GATB: variants seen among roughly 807,000 people sequenced by gnomAD.
GATB encodes the protein glutamyl-tRNA(Gln) amidotransferase subunit B, mitochondrial.
In GATB, 39 loss-of-function variants were observed where a neutral mutation model predicts 62.3. The ratio of observed to expected loss-of-function variants is 0.63; its 90% CI spans 0.48 to 0.82. The LOEUF (loss-of-function observed/expected upper bound fraction) is 0.82, where lower values mean the gene tolerates loss of function less well. Among genes scored for constraint, GATB ranks in the 40% least tolerant of loss-of-function variants. GATB has a pLI of 0.00. For missense variants in GATB, 670 were observed against 684.0 expected, an observed-to-expected ratio of 0.98 and a Z score of 0.23; for synonymous variants, 276 against 258.9, an observed-to-expected ratio of 1.07 and a Z score of -0.63.
intron 10 of GATB, among the ~76,000 whole-genome samples, chr4:151,681,814 C>A (rs1436504830): frequency 6.6e-6 from 1 of 152,202 alleles, no homozygotes; most frequent in African/African-American, 2.4e-5. Context: ...TCACTGGTGG[C>A]ACCTTCTTGC....
rs1477661103 is a variant in GATB at position 151,705,174 on chromosome 4, T to A, written c.962+11A>T. The stretch of plus-strand genomic sequence containing the variant: ...CGGCTGTGGTCAGGACGCTCAGCAA[T>A]GCGAACTCACCCCAGCTTGTGATGA... On this transcript the variant is annotated intron_variant, in intron 7 of 12. Coordinates refer to ENST00000263985, the MANE Select transcript of GATB (RefSeq NM_004564.3). The A allele has an allele frequency of 6.2e-7, 1 of 1,603,558 alleles. No homozygotes were observed. The highest frequency in any genetic ancestry group is 8.5e-7 in the Non-Finnish European group (1 of 1,170,610).
chr4:151,679,435 G>C (rs1024944397), intron 11 of GATB, among the ~76,000 whole-genome samples: 1 of 152,182 alleles, frequency 6.6e-6, no homozygotes, highest in Non-Finnish European at 1.5e-5. Flanking sequence ...CCCTGGGACT[G>C]GCTGGGAGGC....
chr4:151,700,333 A>T (rs947273575), intron 9 of GATB, among the ~76,000 whole-genome samples: 3 of 152,220 alleles, frequency 2.0e-5, no homozygotes, highest in African/African-American at 4.8e-5. Flanking sequence ...GGTAAGAAGA[A>T]GATCAAACAG....
At chr4:151,705,100 A>G (rs1738688182) in intron 7 of GATB, 85 bp downstream of exon 7, 1 of 872,022 alleles carries the variant, frequency 1.1e-6, no homozygotes, top group Non-Finnish European at 1.9e-6. Flanking sequence ...GCCTCCTTCA[A>G]GGTCACATGG....
chr4:151,713,916 T>C lies in GATB; in HGVS notation c.763+2093A>G, dbSNP rs1178435515. On this transcript the variant is annotated intron_variant, in intron 5 of 12. Transcript: ENST00000263985. ...CTCTCTAAGCCTCAGTTTCCTCACC[T>C]GCAACAGGCAAACACTACCACCTAC... Among the ~76,000 whole-genome samples the C allele has an allele frequency of 2.0e-5, 3 of 152,212 alleles. No individual in the cohort carries two copies. The East Asian group carries it at 5.8e-4, about 29-fold the overall frequency.
chr4:151,726,257 G>C (rs1441973658), intron 2 of GATB, among the ~76,000 whole-genome samples: 2 of 152,126 alleles, frequency 1.3e-5, no homozygotes, highest in Non-Finnish European at 2.9e-5. Flanking sequence ...CATATTCAAA[G>C]CAAAAGTTAC....
intron 2 of GATB, chr4:151,722,265 A>G: frequency 1.4e-6 from 1 of 700,092 alleles, no homozygotes; most frequent in African/African-American, 1.7e-5. Context: ...CTTTAGGGGT[A>G]CATAGATAAA....
At chr4:151,749,972 C>T (rs2126997846) in intron 2 of GATB, among the ~76,000 whole-genome samples, 1 of 152,222 alleles carries the variant, frequency 6.6e-6, no homozygotes, top group South Asian at 2.1e-4. Context: ...AGCTCTGCCT[C>T]CCGGGTTCAC....
At chr4:151,689,549 C>A (rs889572113) in intron 9 of GATB, among the ~76,000 whole-genome samples, 1 of 152,192 alleles carries the variant, frequency 6.6e-6, no homozygotes, top group Non-Finnish European at 1.5e-5. Flanking sequence ...GCTGTGCCCT[C>A]CCTGTTCACG....
intron 9 of GATB, among the ~76,000 whole-genome samples, chr4:151,693,340 G>T (rs1359672656): frequency 6.6e-6 from 1 of 152,174 alleles, no homozygotes; most frequent in African/African-American, 2.4e-5. Context: ...GGGTTCACGG[G>T]AATCGGTGCC....
intron 6 of GATB, among the ~76,000 whole-genome samples, chr4:151,706,287 G>A (rs565690828): frequency 7.2e-5 from 11 of 152,316 alleles, no homozygotes; most frequent in Admixed American, 6.5e-4. Flanking sequence ...CCCTCAGACT[G>A]GTCCTCCAAA....
intron 5 of GATB, among the ~76,000 whole-genome samples, chr4:151,711,266 G>C (rs1738813288): frequency 6.6e-6 from 1 of 152,176 alleles, no homozygotes; most frequent in Non-Finnish European, 1.5e-5. Context: ...AGAGCAGCCA[G>C]AGCGGTTTTC....
intron 9 of GATB, among the ~76,000 whole-genome samples, chr4:151,700,175 A>G (rs1392946814): frequency 6.6e-6 from 1 of 152,250 alleles, no homozygotes; most frequent in Admixed American, 6.5e-5. Flanking sequence ...TGACTGACTC[A>G]GTCATAGTCA....
intron 9 of GATB, among the ~76,000 whole-genome samples, chr4:151,697,985 A>ATATATGTG (rs1738521832): frequency 8.0e-5 from 11 of 138,286 alleles, no homozygotes; most frequent in African/African-American, 2.6e-4. Context: ...ATATATATAT[A>ATATATGTG]TATATATATG....
chr4:151,748,697 A>G (rs895832444), intron 2 of GATB, among the ~76,000 whole-genome samples: 1 of 152,266 alleles, frequency 6.6e-6, no homozygotes, highest in Admixed American at 6.5e-5. Context: ...CTGTACAGCA[A>G]AAGAAACTAC....
intron 2 of GATB, among the ~76,000 whole-genome samples, chr4:151,729,091 T>A (rs926140711): frequency 2.0e-5 from 3 of 152,134 alleles, no homozygotes; most frequent in Non-Finnish European, 4.4e-5. Flanking sequence ...ACACATCCAA[T>A]AGGAATGCAT....
rs1328751894 is a variant in GATB at position 151,735,246 on chromosome 4, A to C, written c.328-15708T>G. 1.6e-4 allele frequency among the ~76,000 whole-genome samples: 24 copies of C among 151,868 alleles called. 1 individual carries two copies. Among genetic ancestry groups the C allele is most frequent in the Non-Finnish European group, 4.4e-5 (3 of 67,984 alleles). On this transcript the variant is annotated intron_variant, in intron 2 of 12. Coordinates refer to ENST00000263985, the MANE Select transcript of GATB (RefSeq NM_004564.3). ...AAACAAATCAGTAAGAAAAAAAAAA[A>C]AAAACAAACAATCCCATCAGAAAGT... is the stretch of plus-strand genomic sequence containing the variant.
chr4:151,757,720 G>A (rs963581139), intron 2 of GATB, among the ~76,000 whole-genome samples: 7 of 151,898 alleles, frequency 4.6e-5, no homozygotes, highest in African/African-American at 1.2e-4. Flanking sequence ...CTTGTGATTC[G>A]CCCACCTTGG....
intron 8 of GATB, among the ~76,000 whole-genome samples, chr4:151,702,055 A>G (rs1290086930): frequency 6.6e-6 from 1 of 152,216 alleles, no homozygotes; most frequent in African/African-American, 2.4e-5. Context: ...CAAGAAAGGG[A>G]CGGTAAAAAT....
Sources: allele counts gnomAD v4.1 joint callset (sites outside exome capture counted in the v4.1 genomes callset), GRCh38; gene constraint gnomAD v4.1.1; transcripts MANE v1.5; gene names NCBI Gene and HGNC (gene_info 2026-07-23, HGNC 2026-07-21).